The following NCKAP5 variants were observed in gnomAD, a reference collection of about 807,000 sequenced individuals.
NCKAP5 encodes the protein nck-associated protein 5.
NCKAP5 carries 92 observed loss-of-function variants against 167.0 expected under a neutral mutation model. The ratio of observed to expected loss-of-function variants is 0.55; its 90% confidence interval spans 0.47 to 0.66. NCKAP5 has a LOEUF of 0.66. NCKAP5 is among the 30% of genes least tolerant of loss of function. The pLI is 0.00. For missense variants in NCKAP5, 2,378 were observed against 2,315.0 expected (o/e 1.03, Z -0.56); for synonymous variants, 891 against 877.4 (o/e 1.02, Z -0.27).
intron 11 of NCKAP5, among the ~76,000 whole-genome samples, chr2:132,843,611 C>CTCCTAT (rs1372554436): frequency 6.6e-6 from 1 of 151,240 alleles, no homozygotes; most frequent in Non-Finnish European, 1.5e-5. Context: ...AATAAAAAAA[C>CTCCTAT]TCCTATTCTC....
At chr2:133,389,746 G>A (rs571401031) in intron 3 of NCKAP5, among the ~76,000 whole-genome samples, 2 of 152,248 alleles carry the variant, frequency 1.3e-5, no homozygotes, top group South Asian at 2.1e-4. Context: ...GTGCAGGCCC[G>A]TGAGCTCACC....
rs530436441 is a variant in NCKAP5, at chr2:133,400,788, G to T, written c.70-97678C>A. The stretch of plus-strand genomic sequence containing the variant: ...TTTAAATTTGCATTTCATTAAGTTT[G>T]TGGCCCATATAAAAATGCTGATTTT... On this transcript the variant is annotated intron_variant, in intron 3 of 19. Transcript: ENST00000409261. Among the ~76,000 whole-genome samples, 19 of 152,282 alleles carry T rather than the reference G, an allele frequency of 1.2e-4. 1 individual carries two copies. The South Asian group carries it at 3.9e-3, about 32-fold the overall frequency.
At chr2:133,005,716 C>A (rs902661372) in intron 6 of NCKAP5, among the ~76,000 whole-genome samples, 8 of 152,082 alleles carry the variant, frequency 5.3e-5, no homozygotes, top group African/African-American at 9.7e-5. Flanking sequence ...TCTTGGGAGA[C>A]CTTGAAGACA....
intron 19 of NCKAP5, 142 bp from the exon 20 acceptor site, chr2:132,673,447 A>T: frequency 1.6e-6 from 1 of 615,792 alleles, no homozygotes; most frequent in Non-Finnish European, 2.4e-6. Context: ...CTTCTAGTAT[A>T]ATTAGATGTA....
chr2:132,748,409 C>T (rs945406687), intron 16 of NCKAP5, among the ~76,000 whole-genome samples: 1 of 152,228 alleles, frequency 6.6e-6, no homozygotes, highest in African/African-American at 2.4e-5. Flanking sequence ...GGCTTCACTC[C>T]TGGAGTGGAA....
At chr2:132,897,955 G>A (rs541894266) in intron 8 of NCKAP5, among the ~76,000 whole-genome samples, 4 of 152,164 alleles carry the variant, frequency 2.6e-5, no homozygotes, top group African/African-American at 9.7e-5. Flanking sequence ...GGTGGCTATC[G>A]TAATTCCTTA....
At chr2:133,414,730 T>C (rs887689015) in intron 3 of NCKAP5, among the ~76,000 whole-genome samples, 3 of 152,202 alleles carry the variant, frequency 2.0e-5, no homozygotes, top group African/African-American at 4.8e-5. Context: ...ATTCTAATAG[T>C]GGTGCTTTCT....
chr2:132,714,378 T>A (rs1689156317), intron 19 of NCKAP5, among the ~76,000 whole-genome samples: 1 of 152,178 alleles, frequency 6.6e-6, no homozygotes, highest in Admixed American at 6.5e-5. Flanking sequence ...TACATAATAC[T>A]CAGATTTATT....
At chr2:132,878,754 T>A (rs551837071) in intron 9 of NCKAP5, 94 bp downstream of exon 9, 3 of 908,916 alleles carry the variant, frequency 3.3e-6, no homozygotes, top group Non-Finnish European at 5.5e-6. Flanking sequence ...GCTGATGTTT[T>A]GTGGATACTG....
At chr2:132,751,611 T>C (rs1464905053) in intron 16 of NCKAP5, among the ~76,000 whole-genome samples, 1 of 152,224 alleles carries the variant, frequency 6.6e-6, no homozygotes. Flanking sequence ...TGTTCTCCTA[T>C]TTCAAGGCCT....
chr2:132,787,935 C>A (rs1358503079), intron 13 of NCKAP5, among the ~76,000 whole-genome samples: 1 of 152,132 alleles, frequency 6.6e-6, no homozygotes, highest in African/African-American at 2.4e-5. Context: ...CTCTGTCTTG[C>A]CTCCTTTCTG....
intron 5 of NCKAP5, among the ~76,000 whole-genome samples, chr2:133,156,386 A>G (rs2083578701): frequency 6.6e-6 from 1 of 152,168 alleles, no homozygotes; most frequent in Admixed American, 6.5e-5. Flanking sequence ...CAGAAAGTTT[A>G]TCTACTTCAT....
At chr2:133,277,798 A>G (rs1363014625) in intron 4 of NCKAP5, among the ~76,000 whole-genome samples, 1 of 152,190 alleles carries the variant, frequency 6.6e-6, no homozygotes, top group Non-Finnish European at 1.5e-5. Flanking sequence ...CTAGACAACC[A>G]GGGAGAAACA....
intron 19 of NCKAP5, among the ~76,000 whole-genome samples, chr2:132,679,345 C>G (rs1684902694): frequency 6.6e-6 from 1 of 152,098 alleles, no homozygotes; most frequent in Admixed American, 6.5e-5. Context: ...CTAGGCAAGT[C>G]AGTCCCTCAT....
chr2:133,473,302 A>T (rs1165070168), intron 3 of NCKAP5, among the ~76,000 whole-genome samples: 1 of 152,030 alleles, frequency 6.6e-6, no homozygotes, highest in East Asian at 1.9e-4. Context: ...ACTGCACTCC[A>T]GCCTGGGCGA....
chr2:133,374,172 G>C (rs1685986686), intron 3 of NCKAP5, among the ~76,000 whole-genome samples: 1 of 152,164 alleles, frequency 6.6e-6, no homozygotes, highest in Admixed American at 6.5e-5. Flanking sequence ...ATATTATTCA[G>C]CACTACAAAT....
the NCKAP5 span, among the ~76,000 whole-genome samples, chr2:133,576,841 G>C: frequency 3.3e-5 from 5 of 152,224 alleles, no homozygotes; most frequent in African/African-American, 4.8e-5. Context: ...ATTGTTGACA[G>C]AGCATGAACT....
intron 19 of NCKAP5, among the ~76,000 whole-genome samples, chr2:132,674,220 A>G (rs1684126951): frequency 6.6e-6 from 1 of 152,066 alleles, no homozygotes; most frequent in Non-Finnish European, 1.5e-5. Context: ...GGGCTTGGAG[A>G]TGATAGTAAG....
chr2:133,372,128 G>A (rs768503037), intron 3 of NCKAP5, among the ~76,000 whole-genome samples: 5 of 152,332 alleles, frequency 3.3e-5, no homozygotes, highest in South Asian at 2.1e-4. Context: ...TGAGATTTGA[G>A]TGGTCCTTGA....
Sources: allele counts gnomAD v4.1 joint callset (sites outside exome capture counted in the v4.1 genomes callset), GRCh38; gene constraint gnomAD v4.1.1; transcripts MANE v1.5; gene names NCBI Gene and HGNC (gene_info 2026-07-23, HGNC 2026-07-21).